DSCAML1: variants seen among roughly 807,000 people sequenced by gnomAD.
DSCAML1 encodes cell adhesion molecule DSCAML1.
A neutral mutation model predicts 200.5 loss-of-function variants in DSCAML1; 38 were observed. The ratio of observed to expected loss-of-function variants is 0.19; its 90% CI spans 0.15 to 0.25. The LOEUF (loss-of-function observed/expected upper bound fraction) is 0.25, where lower values mean the gene tolerates loss of function less well. DSCAML1 is among the 10% of genes least tolerant of loss of function. The probability of loss-of-function intolerance (pLI) is 1.00; values close to 1 mark genes in which losing one functional copy is unlikely to be tolerated. For missense variants in DSCAML1, 2,223 were observed against 2,858.8 expected (o/e 0.78, Z 5.07); for synonymous variants, 1,215 against 1,165.0 (o/e 1.04, Z -0.87).
chr11:117,778,287 C>T (rs999183913), intron 2 of DSCAML1, among the ~76,000 whole-genome samples: 1 of 152,226 alleles, frequency 6.6e-6, no homozygotes, highest in African/African-American at 2.4e-5. Context: ...AGCCCTGCCT[C>T]CAGATATGGG....
At chr11:117,432,592 T>C in intron 29 of DSCAML1, 88 bp from the exon 30 acceptor site, 1 of 1,421,124 alleles carries the variant, frequency 7.0e-7, no homozygotes. Flanking sequence ...TTTGTCTTTA[T>C]CCAATGTGTT....
At chr11:117,689,010 A>G (rs79735246) in intron 3 of DSCAML1, among the ~76,000 whole-genome samples, 7,090 of 152,178 alleles carry the variant, frequency 0.047, 249 homozygotes, top group Non-Finnish European at 0.059. Context: ...GACCCCTTCC[A>G]TGCCTCATAG....
At chr11:117,604,818 G>A (rs940619193) in intron 3 of DSCAML1, among the ~76,000 whole-genome samples, 8 of 152,178 alleles carry the variant, frequency 5.3e-5, no homozygotes, top group East Asian at 3.9e-4. Context: ...CTCCCATGCC[G>A]CTCTGTCTGC....
chr11:117,590,557 G>A (rs370850574), intron 3 of DSCAML1, among the ~76,000 whole-genome samples: 4 of 152,118 alleles, frequency 2.6e-5, no homozygotes, highest in Admixed American at 1.3e-4. Flanking sequence ...CTCCCACACC[G>A]TCCTTCCAGG....
chr11:117,759,897 T>A (rs1306538720), intron 3 of DSCAML1, among the ~76,000 whole-genome samples: 2 of 152,154 alleles, frequency 1.3e-5, no homozygotes, highest in African/African-American at 4.8e-5. Flanking sequence ...CCACTTTTAA[T>A]TGTTATTTTA....
At chr11:117,714,079 G>A (rs926247598) in intron 3 of DSCAML1, among the ~76,000 whole-genome samples, 9 of 152,252 alleles carry the variant, frequency 5.9e-5, no homozygotes, top group South Asian at 2.1e-4. Flanking sequence ...TGTGCAATGG[G>A]GATAATAATT....
intron 1 of DSCAML1, among the ~76,000 whole-genome samples, chr11:117,805,822 GAGT>G (rs1201987040): frequency 2.0e-5 from 3 of 152,228 alleles, no homozygotes; most frequent in Admixed American, 2.0e-4. Flanking sequence ...CATTCCAGTG[GAGT>G]AGAAGATGTT....
At chr11:117,429,751 G>A (rs2047746098) in intron 32 of DSCAML1, among the ~76,000 whole-genome samples, 1 of 152,202 alleles carries the variant, frequency 6.6e-6, no homozygotes, top group African/African-American at 2.4e-5. Flanking sequence ...TGCTCCATGG[G>A]CACCCTGCCT....
chr11:117,753,662 G>A (rs902848046), intron 3 of DSCAML1, among the ~76,000 whole-genome samples: 2 of 152,174 alleles, frequency 1.3e-5, no homozygotes, highest in East Asian at 1.9e-4. Context: ...AAGTTGCCAC[G>A]ATTCAGTCAT....
intron 3 of DSCAML1, among the ~76,000 whole-genome samples, chr11:117,705,704 T>C (rs1248753151): frequency 2.6e-5 from 4 of 152,188 alleles, no homozygotes; most frequent in African/African-American, 9.6e-5. Context: ...GAAGATTTTC[T>C]CCTTACTGCC....
chr11:117,637,391 G>C (rs1670380919), intron 3 of DSCAML1, among the ~76,000 whole-genome samples: 1 of 150,928 alleles, frequency 6.6e-6, no homozygotes, highest in South Asian at 2.1e-4. Flanking sequence ...TGTCACCCAG[G>C]CTGGAGTGCA....
intron 1 of DSCAML1, among the ~76,000 whole-genome samples, chr11:117,783,468 G>C (rs997250807): frequency 5.3e-5 from 8 of 152,150 alleles, no homozygotes; most frequent in African/African-American, 1.9e-4. Flanking sequence ...CAGAACTCCA[G>C]CAATAGTAAT....
At chr11:117,592,270 G>A (rs1424272631) in intron 3 of DSCAML1, among the ~76,000 whole-genome samples, 1 of 152,122 alleles carries the variant, frequency 6.6e-6, no homozygotes, top group Admixed American at 6.5e-5. Context: ...ACCTCCTCCT[G>A]GAGGCCGGCT....
intron 11 of DSCAML1, among the ~76,000 whole-genome samples, chr11:117,499,903 G>A (rs562679778): frequency 3.6e-4 from 55 of 152,308 alleles, no homozygotes; most frequent in Admixed American, 1.3e-3. Context: ...TGGGAATTCC[G>A]ACTCCCATCC....
chr11:117,734,817 T>C (rs2054289676), intron 3 of DSCAML1, among the ~76,000 whole-genome samples: 1 of 152,110 alleles, frequency 6.6e-6, no homozygotes, highest in South Asian at 2.1e-4. Context: ...AAAGGTGGTT[T>C]AGGAGGACTG....
intron 4 of DSCAML1, among the ~76,000 whole-genome samples, chr11:117,531,743 G>A (rs572027720): frequency 4.4e-4 from 67 of 152,016 alleles, no homozygotes; most frequent in East Asian, 4.3e-3. Flanking sequence ...AAAATTAGCC[G>A]GGCGTGGTGG....
chr11:117,616,341 G>A (rs1031542845), intron 3 of DSCAML1, among the ~76,000 whole-genome samples: 2 of 152,200 alleles, frequency 1.3e-5, no homozygotes, highest in Non-Finnish European at 2.9e-5. Flanking sequence ...GCCATAGTGT[G>A]TGGTTCAAGA....
chr11:117,518,455 T>C lies in DSCAML1; in HGVS notation c.1510+11A>G. ...AAAAACCTATTCTGATATTTAAATG[T>C]AGACAGGCACCTCTTACGTTTATTC... On this transcript the variant is annotated intron_variant, in intron 7 of 32. Coordinates refer to ENST00000651296, the MANE Select transcript of DSCAML1 (RefSeq NM_020693.4). This position sits in a 1 kb window ranked among gnomAD's most constrained non-coding sequence, Gnocchi z 6.3. The C allele has an allele frequency of 6.2e-7, 1 of 1,614,128 alleles. No homozygotes were observed. The highest frequency in any genetic ancestry group is 8.5e-7 in the Non-Finnish European group (1 of 1,180,018).
chr11:117,432,264 CT>C, intron 30 of DSCAML1, 87 bp downstream of exon 30: 1 of 1,407,898 alleles, frequency 7.1e-7, no homozygotes, highest in Non-Finnish European at 9.4e-7. Context: ...TCCCTCCTCC[CT>C]TTAAAAAAAA....
Sources: gnomAD v4.1 joint callset for allele counts (sites outside exome capture counted in the v4.1 genomes callset) on GRCh38, gnomAD v4.1.1 for gene constraint, Gnocchi (gnomAD v3.1) non-coding constraint, MANE v1.5 for transcripts, NCBI Gene and HGNC (gene_info 2026-07-23, HGNC 2026-07-21) for gene names.